The following DYRK1A variants were observed in gnomAD, a reference collection of about 807,000 sequenced individuals.
DYRK1A encodes the protein dual specificity tyrosine-phosphorylation-regulated kinase 1A.
In DYRK1A, 9 loss-of-function variants were observed where a neutral mutation model predicts 79.7. The observed-to-expected ratio is 0.11, with a 90% confidence interval of 0.07 to 0.20. DYRK1A has a LOEUF of 0.20. Ranked by LOEUF, DYRK1A falls within the 10% of genes least tolerant of loss-of-function variation. The pLI is 1.00. For synonymous variants in DYRK1A, 349 were observed against 329.7 expected, an observed-to-expected ratio of 1.06 and a Z score of -0.63; for missense variants, 622 against 956.0, an observed-to-expected ratio of 0.65 and a Z score of 4.61.
chr21:37,521,295 C>G lies in DYRK1A; in HGVS notation c.*8764C>G, dbSNP rs1040823374. On this transcript the variant is annotated 3_prime_UTR_variant, in exon 12 of 12. Transcript: ENST00000647188. ...AAACAGTGAACTTGAAATATCTCCC[C>G]TACTCCCTGCAGAGACACTCTGAAT... 2.0e-5 allele frequency: 3 copies of G among 152,230 alleles called. No homozygotes were observed. The highest frequency in any genetic ancestry group is 7.2e-5 in the African/African-American group (3 of 41,458). The allele number at this position is 152,230 out of a possible 1,614,324, so 9.4% of individuals were successfully genotyped here.
At chr21:37,377,399 T>G (rs555435502) in intron 1 of DYRK1A, among the ~76,000 whole-genome samples, 1 of 152,170 alleles carries the variant, frequency 6.6e-6, no homozygotes, top group Admixed American at 6.5e-5. Flanking sequence ...GATTACAGGC[T>G]TGAGCCACCG....
chr21:37,456,651 C>T (rs1041162341), intron 2 of DYRK1A, among the ~76,000 whole-genome samples: 1 of 152,176 alleles, frequency 6.6e-6, no homozygotes, highest in African/African-American at 2.4e-5. Flanking sequence ...TTCCCACCCT[C>T]CTATCTTGGA....
At chr21:37,501,364 T>A (rs1399218350) in intron 9 of DYRK1A, 1 of 151,728 alleles carries the variant, frequency 6.6e-6, no homozygotes, top group Non-Finnish European at 1.5e-5. Context: ...AGAGACGGGG[T>A]TTCACCATAT....
intron 1 of DYRK1A, among the ~76,000 whole-genome samples, chr21:37,390,579 C>G (rs2049851403): frequency 6.6e-6 from 1 of 152,014 alleles, no homozygotes; most frequent in Non-Finnish European, 1.5e-5. Flanking sequence ...TACTGTTTTT[C>G]TTTTTTTATG....
At chr21:37,510,660 A>G (rs1028039627) in intron 11 of DYRK1A, among the ~76,000 whole-genome samples, 2 of 152,162 alleles carry the variant, frequency 1.3e-5, no homozygotes, top group Non-Finnish European at 2.9e-5. Context: ...ACAGTCCAGA[A>G]TAGGTGTTCA....
intron 1 of DYRK1A, among the ~76,000 whole-genome samples, chr21:37,369,050 AT>A (rs2049377254): frequency 6.6e-6 from 1 of 152,194 alleles, no homozygotes; most frequent in African/African-American, 2.4e-5. Context: ...ACTTCAAACA[AT>A]TTTGATTATA....
At position 37,425,251 on chromosome 21, in the gene DYRK1A, T is replaced by A. The variant is rs143410675; in HGVS notation, c.10+4867T>A. ...AGGATTTCTGGGACACAGGAAGTGC[T>A]CAGCAAATGCAAAAAGAATAATTTT... On this transcript the variant is annotated intron_variant, in intron 2 of 11. Coordinates refer to ENST00000647188, the MANE Select transcript of DYRK1A (RefSeq NM_001347721.2). Among the ~76,000 whole-genome samples, 296 of 152,336 alleles carry A rather than the reference T, an allele frequency of 1.9e-3. 1 individual carries two copies. The highest frequency in any genetic ancestry group is 6.8e-3 in the African/African-American group (284 of 41,586).
intron 5 of DYRK1A, among the ~76,000 whole-genome samples, chr21:37,483,953 G>T (rs975113173): frequency 3.9e-5 from 6 of 152,088 alleles, no homozygotes; most frequent in African/African-American, 1.4e-4. Context: ...TTAAGGAAAG[G>T]CATTTGTGAG....
At chr21:37,397,526 G>T (rs1396006520) in intron 1 of DYRK1A, among the ~76,000 whole-genome samples, 1 of 152,108 alleles carries the variant, frequency 6.6e-6, no homozygotes, top group African/African-American at 2.4e-5. Flanking sequence ...TACACATTTA[G>T]TCACAAGGGA....
At chr21:37,406,937 ATT>A (rs34373101) in intron 1 of DYRK1A, among the ~76,000 whole-genome samples, 526 of 138,346 alleles carry the variant, frequency 3.8e-3, no homozygotes, top group African/African-American at 0.011. Context: ...AATTCTTTTG[ATT>A]TTTTTTTTTT....
At chr21:37,392,174 C>A (rs1322517801) in intron 1 of DYRK1A, among the ~76,000 whole-genome samples, 2 of 152,268 alleles carry the variant, frequency 1.3e-5, no homozygotes, top group East Asian at 3.9e-4. Context: ...TGACAACATA[C>A]CCCTAATGGA....
chr21:37,369,996 A>G (rs1330658326), intron 1 of DYRK1A, among the ~76,000 whole-genome samples: 1 of 152,190 alleles, frequency 6.6e-6, no homozygotes, highest in East Asian at 1.9e-4. Flanking sequence ...AAAAACGACC[A>G]TTTGTTAAAT....
At position 37,377,538 on chromosome 21, in the gene DYRK1A, A is replaced by T. The variant is rs541909025; in HGVS notation, c.-77+9910A>T. Among the ~76,000 whole-genome samples the T allele has an allele frequency of 5.3e-5, 8 of 152,242 alleles. No homozygotes were observed. In the South Asian group the frequency reaches 1.4e-3, roughly 28 times the overall value. On this transcript the variant is annotated intron_variant, in intron 1 of 11. Transcript: ENST00000647188. ...GGCTGAAGTGCAGTGGCATGATCATAGTTCACTGCAGCCTTGACCTCCTGG... is the reference window on the plus strand; with the variant it reads ...GGCTGAAGTGCAGTGGCATGATCATTGTTCACTGCAGCCTTGACCTCCTGG...
At chr21:37,414,883 G>T (rs559728727) in intron 1 of DYRK1A, among the ~76,000 whole-genome samples, 1 of 152,310 alleles carries the variant, frequency 6.6e-6, no homozygotes, top group South Asian at 2.1e-4. Context: ...TCTAAAGGAA[G>T]ACAGAGGACA....
chr21:37,423,537 G>A (rs2148434373), intron 2 of DYRK1A, among the ~76,000 whole-genome samples: 1 of 152,222 alleles, frequency 6.6e-6, no homozygotes, highest in South Asian at 2.1e-4. Flanking sequence ...AGAAACCTGT[G>A]TAAACCAGCA....
chr21:37,463,802 C>A lies in DYRK1A; in HGVS notation c.11-8882C>A, dbSNP rs537814551. ...TTTGGATGTGCCTTGTTGCTAGGGA[C>A]CTCGTGGGTTTTTGCCCACATAAGC... On this transcript the variant is annotated intron_variant, in intron 2 of 11. Transcript: ENST00000647188. Among the ~76,000 whole-genome samples the A allele has an allele frequency of 1.4e-3, 214 of 152,338 alleles. 1 individual carries two copies. Among genetic ancestry groups the A allele is most frequent in the African/African-American group, 4.9e-3 (205 of 41,572 alleles).
At chr21:37,429,497 ACATAGCCC>A (rs2050717409) in intron 2 of DYRK1A, among the ~76,000 whole-genome samples, 1 of 152,198 alleles carries the variant, frequency 6.6e-6, no homozygotes, top group South Asian at 2.1e-4. Flanking sequence ...GGCATGTCTT[ACATAGCCC>A]CAGCAGGAGG....
intron 6 of DYRK1A, among the ~76,000 whole-genome samples, chr21:37,489,633 T>TAAAAAA (rs58419137): frequency 1.4e-5 from 2 of 143,590 alleles, no homozygotes. Flanking sequence ...GCCTAAAGGG[T>TAAAAAA]AAAAAAAAAA....
intron 3 of DYRK1A, 175 bp from the exon 4 acceptor site, chr21:37,478,033 T>C (rs2052463081): frequency 2.5e-6 from 2 of 799,832 alleles, no homozygotes; most frequent in African/African-American, 1.7e-5. Context: ...TGGTTGTCTT[T>C]ATTGGAATCC....
Sources: gnomAD v4.1 joint callset for allele counts (sites outside exome capture counted in the v4.1 genomes callset) on GRCh38, gnomAD v4.1.1 for gene constraint, MANE v1.5 for transcripts, NCBI Gene and HGNC (gene_info 2026-07-23, HGNC 2026-07-21) for gene names.